Variants in GUCY1A2 observed in about 807,000 individuals in gnomAD.
The protein encoded by GUCY1A2 is guanylate cyclase soluble subunit alpha-2.
Under a neutral mutation model 63.5 loss-of-function variants are expected in GUCY1A2, and 27 were observed. The observed-to-expected ratio is 0.43, with a 90% confidence interval of 0.31 to 0.59. The LOEUF (loss-of-function observed/expected upper bound fraction) is 0.59, where lower values mean the gene tolerates loss of function less well. GUCY1A2 is among the 20% of genes least tolerant of loss of function. GUCY1A2 has a pLI of 0.11. For synonymous variants in GUCY1A2, 364 were observed against 343.5 expected, an observed-to-expected ratio of 1.06 and a Z score of -0.66; for missense variants, 768 against 913.3, an observed-to-expected ratio of 0.84 and a Z score of 2.05.
chr11:106,681,033 A>G lies in GUCY1A2; in HGVS notation c.*6516T>C. 1 of 206,796 alleles carries G rather than the reference A, an allele frequency of 4.8e-6. No individual in the cohort carries two copies. Among genetic ancestry groups the G allele is most frequent in the Admixed American group, 5.9e-5 (1 of 16,850 alleles). The allele number at this position is 206,796 out of a possible 1,614,324, so 12.8% of individuals were successfully genotyped here. A position where few individuals can be genotyped will look rare whatever the true frequency, so the allele number is the denominator to read the frequency against. The stretch of plus-strand genomic sequence containing the variant: ...AAATTTAACTACTAAAGAACTGATT[A>G]TCATTGACTATGCCACATTCTATTA... On this transcript the variant is annotated 3_prime_UTR_variant, in exon 8 of 8. Coordinates refer to ENST00000526355, the MANE Select transcript of GUCY1A2 (RefSeq NM_000855.3).
chr11:106,989,698 AC>A (rs759546302), intron 1 of GUCY1A2, among the ~76,000 whole-genome samples: 348 of 152,336 alleles, frequency 2.3e-3, no homozygotes, highest in Non-Finnish European at 4.2e-3. Flanking sequence ...TGAGAAGTTG[AC>A]ACCAATTCCA....
chr11:106,954,494 G>A (rs1341132900), intron 3 of GUCY1A2, among the ~76,000 whole-genome samples: 1 of 152,128 alleles, frequency 6.6e-6, no homozygotes, highest in Non-Finnish European at 1.5e-5. Flanking sequence ...GTTGATCTAG[G>A]GTAGAGAGTT....
At chr11:106,944,200 G>A (rs1235011272) in intron 3 of GUCY1A2, among the ~76,000 whole-genome samples, 1 of 35,248 alleles carries the variant, frequency 2.8e-5, no homozygotes, top group East Asian at 1.1e-3. Context: ...GGGCAACAGA[G>A]TGAGACCCTG....
At chr11:106,771,002 C>T (rs968717495) in intron 6 of GUCY1A2, among the ~76,000 whole-genome samples, 4 of 151,744 alleles carry the variant, frequency 2.6e-5, no homozygotes, top group Admixed American at 1.3e-4. Flanking sequence ...TGTCTTTGAA[C>T]TAATGAAGAA....
At chr11:106,763,135 TG>T (rs1452876962) in intron 6 of GUCY1A2, among the ~76,000 whole-genome samples, 2 of 152,126 alleles carry the variant, frequency 1.3e-5, no homozygotes, top group African/African-American at 4.8e-5. Flanking sequence ...TACGTATATT[TG>T]GAAAATGTGA....
rs141951445 is a variant in GUCY1A2 at position 106,688,898 on chromosome 11, G to C, written c.1992-1142C>G. Among the ~76,000 whole-genome samples, 480 of 152,298 alleles carry C rather than the reference G, an allele frequency of 3.2e-3. 3 individuals are homozygous for C. Among genetic ancestry groups the C allele is most frequent in the Admixed American group, 4.4e-3 (68 of 15,302 alleles). On this transcript the variant is annotated intron_variant, in intron 7 of 7. Transcript: ENST00000526355. ...ACCATATGATAGCATTACCCAGTGA[G>C]GTAAGAATGAGGGTTAAGGCTGGGG...
chr11:107,010,863 G>A lies in GUCY1A2; in HGVS notation c.303+6890C>T, dbSNP rs1003276051. Among the ~76,000 whole-genome samples the A allele has an allele frequency of 4.6e-5, 7 of 151,446 alleles. No individual in the cohort carries two copies. The East Asian group carries it at 5.8e-4, about 13-fold the overall frequency. On this transcript the variant is annotated intron_variant, in intron 1 of 7. Transcript: ENST00000526355. The stretch of plus-strand genomic sequence containing the variant: ...CTCCTGCCTCAGCCTCCCAAGTAGC[G>A]GGATTACAGGCGCCCACCACCACGC...
intron 4 of GUCY1A2, among the ~76,000 whole-genome samples, chr11:106,926,538 A>ACCAG (rs1289216793): frequency 6.6e-6 from 1 of 152,108 alleles, no homozygotes; most frequent in African/African-American, 2.4e-5. Flanking sequence ...AACAGTTCAT[A>ACCAG]CCAGACCCAC....
chr11:106,700,175 A>G (rs1474025130), intron 7 of GUCY1A2, among the ~76,000 whole-genome samples: 1 of 152,188 alleles, frequency 6.6e-6, no homozygotes, highest in Non-Finnish European at 1.5e-5. Flanking sequence ...TTAGACCTTT[A>G]AGAGTAAGCT....
chr11:106,989,253 C>T (rs1861440758), intron 1 of GUCY1A2, among the ~76,000 whole-genome samples: 1 of 152,148 alleles, frequency 6.6e-6, no homozygotes, highest in Non-Finnish European at 1.5e-5. Flanking sequence ...GTTTTAAAGT[C>T]AAACTGAATT....
At chr11:106,883,666 C>T (rs1349079007) in intron 4 of GUCY1A2, among the ~76,000 whole-genome samples, 2 of 152,060 alleles carry the variant, frequency 1.3e-5, no homozygotes, top group East Asian at 1.9e-4. Flanking sequence ...CTATTCTTAA[C>T]ACAAATATAC....
At chr11:106,741,891 A>T (rs1863700887) in intron 6 of GUCY1A2, among the ~76,000 whole-genome samples, 1 of 152,220 alleles carries the variant, frequency 6.6e-6, no homozygotes, top group African/African-American at 2.4e-5. Flanking sequence ...TACTTCATGA[A>T]TTTGACTTGC....
At chr11:106,872,415 T>C (rs1230167295) in intron 4 of GUCY1A2, among the ~76,000 whole-genome samples, 1 of 152,178 alleles carries the variant, frequency 6.6e-6, no homozygotes, top group East Asian at 1.9e-4. Flanking sequence ...TTGCTTATTA[T>C]TAGACTATCT....
intron 5 of GUCY1A2, among the ~76,000 whole-genome samples, chr11:106,779,928 C>T (rs1864429244): frequency 6.6e-6 from 1 of 152,156 alleles, no homozygotes; most frequent in South Asian, 2.1e-4. Flanking sequence ...CACCTGGAAT[C>T]CCAACATTTT....
intron 4 of GUCY1A2, among the ~76,000 whole-genome samples, chr11:106,875,630 G>A (rs893495780): frequency 6.6e-6 from 1 of 151,948 alleles, no homozygotes; most frequent in Non-Finnish European, 1.5e-5. Flanking sequence ...TCAGTAGAGA[G>A]TGGGTGTCTC....
chr11:106,835,263 T>C (rs975406199), intron 4 of GUCY1A2, among the ~76,000 whole-genome samples: 1 of 151,716 alleles, frequency 6.6e-6, no homozygotes, highest in African/African-American at 2.4e-5. Context: ...TATAAATTTT[T>C]AAAAAATGGT....
chr11:106,999,771 C>T (rs1861589169), intron 1 of GUCY1A2, among the ~76,000 whole-genome samples: 1 of 152,024 alleles, frequency 6.6e-6, no homozygotes, highest in African/African-American at 2.4e-5. Context: ...ACTATAGTTG[C>T]CATTAGCACC....
chr11:106,741,230 G>A (rs1004538234), intron 6 of GUCY1A2, among the ~76,000 whole-genome samples: 2 of 152,204 alleles, frequency 1.3e-5, no homozygotes, highest in Admixed American at 6.5e-5. Flanking sequence ...AATCATTAAT[G>A]ACTTTTTAAA....
intron 4 of GUCY1A2, among the ~76,000 whole-genome samples, chr11:106,895,732 T>C (rs1404734613): frequency 2.6e-5 from 4 of 152,164 alleles, no homozygotes; most frequent in South Asian, 2.1e-4. Flanking sequence ...AATGGACTAA[T>C]ACAACTTCCT....
Sources: gnomAD v4.1 joint callset for allele counts (sites outside exome capture counted in the v4.1 genomes callset) on GRCh38, gnomAD v4.1.1 for gene constraint, MANE v1.5 for transcripts, NCBI Gene and HGNC (gene_info 2026-07-23, HGNC 2026-07-21) for gene names.